Variants in TCTN2 observed in about 807,000 individuals in gnomAD.
The protein encoded by TCTN2 is tectonic-2.
A neutral mutation model predicts 83.4 loss-of-function variants in TCTN2; 66 were observed. The observed-to-expected ratio is 0.79, with a 90% confidence interval of 0.65 to 0.97. TCTN2 has a LOEUF of 0.97. TCTN2 is among the 50% of genes least tolerant of loss of function. TCTN2 has a pLI of 0.00. For missense variants in TCTN2, 794 were observed against 858.1 expected, an observed-to-expected ratio of 0.93 and a Z score of 0.93; for synonymous variants, 301 against 326.7, an observed-to-expected ratio of 0.92 and a Z score of 0.85.
chr12:123,692,680 C>G lies in TCTN2; in HGVS notation c.1056C>G (p.Ile352Met). The change falls in exon 9 of 18, where the codon ATC (isoleucine) becomes ATG (methionine). Residue 352 changes from isoleucine (I) to methionine (M), a missense_variant. Physicochemically the swap from Ile to Met is conservative, Grantham distance 10 (BLOSUM62 1). Coordinates refer to ENST00000303372, the MANE Select transcript of TCTN2 (RefSeq NM_024809.5). ...ALGGIVTPKV[I>M]YEEATDLDKF... ...TAGGCATAGTTACACCAAAAGTGAT[C>G]TATGAGGAAGCAACTGACCTAGACA... 1.9e-6 allele frequency: 3 copies of G among 1,613,628 alleles called. No homozygotes were observed. The highest frequency in any genetic ancestry group is 2.5e-6 in the Non-Finnish European group (3 of 1,179,584).
chr12:123,697,569 G>C (rs1367944843), intron 13 of TCTN2, among the ~76,000 whole-genome samples: 1 of 151,918 alleles, frequency 6.6e-6, no homozygotes, highest in African/African-American at 2.4e-5. Context: ...GTGCGATCTC[G>C]GCTCATTGCA....
chr12:123,698,671 T>C (rs1956138248), intron 13 of TCTN2, among the ~76,000 whole-genome samples: 1 of 152,080 alleles, frequency 6.6e-6, no homozygotes, highest in African/African-American at 2.4e-5. Flanking sequence ...GCTCAAACGA[T>C]CCTCCTGCCT....
chr12:123,673,540 T>G, intron 3 of TCTN2, 75 bp from the exon 4 acceptor site: 2 of 1,430,976 alleles, frequency 1.4e-6, no homozygotes, highest in Non-Finnish European at 2.0e-6. Flanking sequence ...TGTACTTTTA[T>G]TGTGTTTTCC....
At position 123,685,314 on chromosome 12, in the gene TCTN2, A is replaced by G. The variant is rs572388184; in HGVS notation, c.565-1522A>G. On this transcript the variant is annotated intron_variant, in intron 5 of 17. Coordinates refer to ENST00000303372, the MANE Select transcript of TCTN2 (RefSeq NM_024809.5). ...TTGAATTGCTCTCGTTTCAAATGAG[A>G]GATCACTTCTCTACTGTCAATAAAC... Among the ~76,000 whole-genome samples, 11 of 152,360 alleles carry G rather than the reference A, an allele frequency of 7.2e-5. No homozygotes were observed. In the South Asian group the frequency reaches 2.3e-3, roughly 32 times the overall value.
chr12:123,673,027 G>T (rs1433049650), intron 3 of TCTN2, among the ~76,000 whole-genome samples: 2 of 152,070 alleles, frequency 1.3e-5, no homozygotes, highest in Admixed American at 1.3e-4. Context: ...TCCAGCTTGG[G>T]TGATGAGCGA....
chr12:123,697,848 T>C (rs1437973169), intron 13 of TCTN2, among the ~76,000 whole-genome samples: 1 of 150,752 alleles, frequency 6.6e-6, no homozygotes, highest in East Asian at 1.9e-4. Flanking sequence ...AAAGTGTAAC[T>C]GGGGTGATTA....
In TCTN2 at chr12:123,699,802, A is replaced by C; in HGVS notation, c.1604A>C (p.Glu535Ala). ...DYADLSDGWL[E>A]IIRVDAPDPG... ...GCTGATCTTAGTGATGGCTGGCTCG[A>C]AATAATACGTAAGTCAAACCCGGGT... Residue 535 changes from glutamate to alanine, a missense_variant, in exon 14 of 18, where the codon GAA becomes GCA. Glu to Ala is a moderately radical substitution (Grantham distance 107). Transcript: ENST00000303372. 6.2e-7 allele frequency: 1 copy of C among 1,613,912 alleles called. No individual in the cohort carries two copies. The highest frequency in any genetic ancestry group is 8.5e-7 in the Non-Finnish European group (1 of 1,179,816).
rs1956211453 is a variant in TCTN2, at chr12:123,704,792, C to A, written c.1769+104C>A. 5.4e-6 allele frequency: 7 copies of A among 1,305,914 alleles called. No homozygotes were observed. In the Admixed American group the frequency reaches 7.3e-5, roughly 14 times the overall value. The allele number at this position is 1,305,914 out of a possible 1,614,324, so 80.9% of individuals were successfully genotyped here. ...TATTTAGAAACTGATTGTTTATTTACAACTTGCAATTATTAGCAAGATGTT... is the reference window on the plus strand; with the variant it reads ...TATTTAGAAACTGATTGTTTATTTAAAACTTGCAATTATTAGCAAGATGTT... On this transcript the variant is annotated intron_variant, in intron 15 of 17. Transcript: ENST00000303372.
rs7137946 is a variant in TCTN2 at position 123,692,742 on chromosome 12, T to A, written c.1099+19T>A. The A allele has an allele frequency of 1.9e-6, 3 of 1,587,128 alleles. No homozygotes were observed. In the African/African-American group the frequency reaches 4.0e-5, roughly 21 times the overall value. On this transcript the variant is annotated intron_variant, in intron 9 of 17. Coordinates refer to ENST00000303372, the MANE Select transcript of TCTN2 (RefSeq NM_024809.5). ...AATACAGGTATTTAATGTTACACTT[T>A]GACGTCATTTCTTCAGAAACAGATA...
In TCTN2 at chr12:123,671,279, T is replaced by C. The variant is rs1175036525; in HGVS notation, c.39T>C (p.Leu13=). Reference sequence around the variant, plus strand: ...CTCCGGCCGCTCTTCTTTTGAGGCTTTTCCTTCTGCAGGGCATCCTGAGGC... The same window carrying C: ...CTCCGGCCGCTCTTCTTTTGAGGCTCTTCCTTCTGCAGGGCATCCTGAGGC... The part of the protein sequence containing the change: ...FQPPAALLLR[L]FLLQGILRLL... The change falls in exon 1 of 18, where the codon CTT becomes CTC. Residue 13 remains leucine (L), a synonymous_variant. Transcript: ENST00000303372. The C allele has an allele frequency of 2.5e-6, 4 of 1,613,696 alleles. No homozygotes were observed. Among genetic ancestry groups the C allele is most frequent in the Non-Finnish European group, 2.5e-6 (3 of 1,180,000 alleles).
At chr12:123,704,241 G>A (rs1300859679) in intron 14 of TCTN2, among the ~76,000 whole-genome samples, 2 of 152,022 alleles carry the variant, frequency 1.3e-5, no homozygotes, top group Non-Finnish European at 2.9e-5. Context: ...TCTTGACCTC[G>A]TGATCTGCCC....
At chr12:123,696,174 A>T (rs527317457) in intron 11 of TCTN2, 17 of 438,258 alleles carry the variant, frequency 3.9e-5, no homozygotes, top group South Asian at 7.5e-5. Context: ...ATAACAATGT[A>T]TTTTTTTTTT....
At chr12:123,701,074 CTT>C (rs1192627774) in intron 14 of TCTN2, among the ~76,000 whole-genome samples, 10 of 152,148 alleles carry the variant, frequency 6.6e-5, no homozygotes, top group Admixed American at 3.9e-4. Context: ...TGAGAATTGA[CTT>C]TGTAATTTAT....
intron 14 of TCTN2, among the ~76,000 whole-genome samples, chr12:123,702,650 C>T (rs1024898303): frequency 1.3e-5 from 2 of 152,168 alleles, no homozygotes; most frequent in Non-Finnish European, 2.9e-5. Context: ...GCTTGTCAAG[C>T]CCTGGGCTCT....
chr12:123,673,016 C>G (rs1365920498), intron 3 of TCTN2, among the ~76,000 whole-genome samples: 1 of 152,182 alleles, frequency 6.6e-6, no homozygotes, highest in Admixed American at 6.5e-5. Context: ...CGCCACTGCA[C>G]TCCAGCTTGG....
chr12:123,706,019 G>C (rs1044777334), intron 15 of TCTN2, among the ~76,000 whole-genome samples: 1 of 152,080 alleles, frequency 6.6e-6, no homozygotes. Flanking sequence ...GCCTCCCAAA[G>C]TGCTGGGATT....
chr12:123,676,134 G>A (rs561919892), intron 4 of TCTN2, among the ~76,000 whole-genome samples: 1 of 152,216 alleles, frequency 6.6e-6, no homozygotes, highest in East Asian at 1.9e-4. Flanking sequence ...ACTACAATTA[G>A]CTGTGCGTGG....
At chr12:123,671,770 G>C (rs905485817) in intron 2 of TCTN2, among the ~76,000 whole-genome samples, 156 bp downstream of exon 2, 4 of 152,190 alleles carry the variant, frequency 2.6e-5, no homozygotes, top group African/African-American at 9.7e-5. Flanking sequence ...AGGCCAAAGA[G>C]GACAGACGGA....
chr12:123,675,239 A>G (rs1955806330), intron 4 of TCTN2, among the ~76,000 whole-genome samples: 1 of 152,190 alleles, frequency 6.6e-6, no homozygotes, highest in African/African-American at 2.4e-5. Flanking sequence ...ATCTTTGGAC[A>G]TGAGAAAATG....
Sources: gnomAD v4.1 joint callset for allele counts (sites outside exome capture counted in the v4.1 genomes callset) on GRCh38, gnomAD v4.1.1 for gene constraint, MANE v1.5 for transcripts, NCBI Gene and HGNC (gene_info 2026-07-23, HGNC 2026-07-21) for gene names.